Variants in PGBD5 observed in about 807,000 individuals in gnomAD.
PGBD5 encodes the protein piggyBac transposable element-derived protein 5.
In PGBD5, 14 loss-of-function variants were observed where a neutral mutation model predicts 47.9. That is an observed-to-expected ratio of 0.29 (90% CI 0.19 to 0.46). PGBD5 has a LOEUF of 0.46. Ranked by LOEUF, PGBD5 falls within the 20% of genes least tolerant of loss-of-function variation. PGBD5 has a pLI of 1.00. For missense variants in PGBD5, 635 were observed against 716.0 expected, an observed-to-expected ratio of 0.89 and a Z score of 1.29; for synonymous variants, 316 against 306.3, an observed-to-expected ratio of 1.03 and a Z score of -0.33.
chr1:230,418,559 G>A (rs968237590), intron 1 of PGBD5, among the ~76,000 whole-genome samples: 12 of 152,138 alleles, frequency 7.9e-5, no homozygotes, highest in African/African-American at 2.7e-4. Context: ...ACAGTCTGGA[G>A]TGCAGTGGTA....
rs1284194032 is a variant in PGBD5, at chr1:230,316,573, A to C, written c.*6852T>G. 1.3e-5 allele frequency: 2 copies of C among 152,176 alleles called. No individual in the cohort carries two copies. The highest frequency in any genetic ancestry group is 4.8e-5 in the African/African-American group (2 of 41,444). The allele number at this position is 152,176 out of a possible 1,614,324, so 9.4% of individuals were successfully genotyped here. A position where few individuals can be genotyped will look rare whatever the true frequency, so the allele number is the denominator to read the frequency against. On this transcript the variant is annotated 3_prime_UTR_variant, in exon 7 of 7. Coordinates refer to ENST00000391860, the MANE Select transcript of PGBD5 (RefSeq NM_001258311.2). ...AAAGTCTAGAGAAAGAACTAGTCAA[A>C]AAGTGAAAAATCCTCATCTGCCCAA...
rs191281497 is a variant in PGBD5, at chr1:230,323,694, C to T, written c.1380-74G>A. 2 of 1,306,872 alleles carry T rather than the reference C, an allele frequency of 1.5e-6. No homozygotes were observed. Among genetic ancestry groups the T allele is most frequent in the African/African-American group, 1.5e-5 (1 of 68,924 alleles). The allele number at this position is 1,306,872 out of a possible 1,614,324, so 81.0% of individuals were successfully genotyped here. On this transcript the variant is annotated intron_variant, in intron 6 of 6. Coordinates refer to ENST00000391860, the MANE Select transcript of PGBD5 (RefSeq NM_001258311.2). This position sits in a 1 kb window ranked among gnomAD's most constrained non-coding sequence, Gnocchi z 4.1. ...CGGAGATGCATCCCAAAGGCCCCCC[C>T]TCACCACAGCCCGTGAGACGCTGCA...
Position 230,337,169 on chromosome 1 carries a change from G to A in PGBD5, c.1014C>T (p.Tyr338=), listed in dbSNP as rs936445644. Residue 338 remains tyrosine, a synonymous_variant, in exon 4 of 7, where the codon TAC becomes TAT. Transcript: ENST00000391860. ...TGATGCTGGGCCCCGTGAAAATGAT[G>A]TAGTTCTTGCCTGCCGCGTTCCGGC... ...SLCRNAAGKN[Y]IIFTGPSITS... 5.6e-6 allele frequency: 9 copies of A among 1,614,222 alleles called. No individual in the cohort carries two copies. Among genetic ancestry groups the A allele is most frequent in the Admixed American group, 3.3e-5 (2 of 60,024 alleles).
intron 1 of PGBD5, among the ~76,000 whole-genome samples, chr1:230,358,875 A>G (rs1667699791): frequency 6.6e-6 from 1 of 152,208 alleles, no homozygotes; most frequent in Non-Finnish European, 1.5e-5. Context: ...CTGCACAACA[A>G]AATTACCTAA....
At position 230,323,744 on chromosome 1, in the gene PGBD5, G is replaced by A. The variant is rs1213963338; in HGVS notation, c.1380-124C>T. The A allele has an allele frequency of 2.3e-6, 2 of 867,138 alleles. No homozygotes were observed. Among genetic ancestry groups the A allele is most frequent in the African/African-American group, 1.7e-5 (1 of 59,226 alleles). The allele number at this position is 867,138 out of a possible 1,614,324, so 53.7% of individuals were successfully genotyped here. ...AGGTTCGCCCCCGACAGAAGCAGGAGGGCTATGGGGGCAGGAGTCAGGCTT... is the reference window on the plus strand; with the variant it reads ...AGGTTCGCCCCCGACAGAAGCAGGAAGGCTATGGGGGCAGGAGTCAGGCTT... On this transcript the variant is annotated intron_variant, in intron 6 of 6. Coordinates refer to ENST00000391860, the MANE Select transcript of PGBD5 (RefSeq NM_001258311.2). This position sits in a 1 kb window ranked among gnomAD's most constrained non-coding sequence, Gnocchi z 4.1.
chr1:230,351,943 A>G (rs1239935801), intron 2 of PGBD5, among the ~76,000 whole-genome samples: 1 of 152,184 alleles, frequency 6.6e-6, no homozygotes, highest in Non-Finnish European at 1.5e-5. Flanking sequence ...TTCAAGGTAA[A>G]GCTCTTTCGG....
At chr1:230,359,136 A>G (rs1667704661) in intron 1 of PGBD5, among the ~76,000 whole-genome samples, 1 of 151,860 alleles carries the variant, frequency 6.6e-6, no homozygotes, top group Non-Finnish European at 1.5e-5. Context: ...ATCTCAGCTC[A>G]CTGAAACCTC....
rs973350056 is a variant in PGBD5, at chr1:230,321,411, G to C, written c.*2014C>G. On this transcript the variant is annotated 3_prime_UTR_variant, in exon 7 of 7. Coordinates refer to ENST00000391860, the MANE Select transcript of PGBD5 (RefSeq NM_001258311.2). Reference sequence around the variant, plus strand: ...CAGGCTGGAGTGCAGTGGCTCAAGAGATCCTCCCACCTCAGCCTCCCAAGT... The same window carrying C: ...CAGGCTGGAGTGCAGTGGCTCAAGACATCCTCCCACCTCAGCCTCCCAAGT... The C allele has an allele frequency of 1.3e-5, 2 of 152,130 alleles. No homozygotes were observed. Among genetic ancestry groups the C allele is most frequent in the African/African-American group, 4.8e-5 (2 of 41,438 alleles). The allele number at this position is 152,130 out of a possible 1,614,324, so 9.4% of individuals were successfully genotyped here.
At chr1:230,326,876 C>T (rs571802918) in intron 5 of PGBD5, among the ~76,000 whole-genome samples, 5 of 152,314 alleles carry the variant, frequency 3.3e-5, no homozygotes, top group South Asian at 4.2e-4. Flanking sequence ...GGGGGCCCTA[C>T]ACCCTCAAAC....
chr1:230,425,600 C>T lies in PGBD5; in HGVS notation c.329G>A (p.Gly110Asp). The T allele has an allele frequency of 8.2e-7, 1 of 1,220,038 alleles. No homozygotes were observed. Among genetic ancestry groups the T allele is most frequent in the Non-Finnish European group, 1.0e-6 (1 of 980,420 alleles). The allele number at this position is 1,220,038 out of a possible 1,614,324, so 75.6% of individuals were successfully genotyped here. A position where few individuals can be genotyped will look rare whatever the true frequency, so the allele number is the denominator to read the frequency against. ...TCCACCCGCGGGCAGCCCCTTACCG[C>T]CGGTATCCTCGAAGCGCGGGGGCGG... Reference protein sequence around the residue: ...DRPPPRFEDTGGPTRKMPPSA... With the variant: ...DRPPPRFEDTDGPTRKMPPSA... Residue 110 changes from glycine (G) to aspartate (D), a missense_variant and splice_region_variant, in exon 1 of 7, where the codon GGC becomes GAC. Gly to Asp is a moderately conservative substitution (Grantham distance 94, BLOSUM62 -1). Transcript: ENST00000391860. The surrounding 1 kb of genome is among the most constrained non-coding windows in gnomAD (Gnocchi z 4.7).
chr1:230,419,997 G>A (rs11122511), intron 1 of PGBD5, among the ~76,000 whole-genome samples: 13,204 of 152,092 alleles, frequency 0.087, 1,169 homozygotes, highest in East Asian at 0.28. Context: ...GTGGTGGTGC[G>A]TGCCTGTAAT....
intron 1 of PGBD5, among the ~76,000 whole-genome samples, chr1:230,420,676 C>T (rs1160448380): frequency 1.3e-5 from 2 of 152,210 alleles, no homozygotes; most frequent in African/African-American, 4.8e-5. Flanking sequence ...TCCTTCTTGC[C>T]TTCCACCATG....
chr1:230,424,961 C>A (rs1657739369), intron 1 of PGBD5, among the ~76,000 whole-genome samples: 1 of 152,234 alleles, frequency 6.6e-6, no homozygotes, highest in Non-Finnish European at 1.5e-5. Flanking sequence ...AAAGTACCTT[C>A]TGGCGGAAAA....
chr1:230,334,450 A>G (rs1424008854), intron 4 of PGBD5, among the ~76,000 whole-genome samples: 1 of 152,250 alleles, frequency 6.6e-6, no homozygotes, highest in Non-Finnish European at 1.5e-5. Flanking sequence ...GCAGCACTCA[A>G]GTTTCCATGA....
At chr1:230,410,271 G>T (rs1657384651) in intron 1 of PGBD5, among the ~76,000 whole-genome samples, 1 of 152,006 alleles carries the variant, frequency 6.6e-6, no homozygotes, top group Admixed American at 6.6e-5. Flanking sequence ...TAAAATTCAA[G>T]AACATGACAA....
intron 3 of PGBD5, among the ~76,000 whole-genome samples, chr1:230,343,071 C>T (rs182743649): frequency 2.0e-5 from 3 of 152,192 alleles, no homozygotes; most frequent in South Asian, 2.1e-4. Context: ...TAAGCCATCA[C>T]CATACTGATG....
Position 230,369,391 on chromosome 1 carries a change from G to A in PGBD5, c.332-12070C>T, listed in dbSNP as rs142166689. On this transcript the variant is annotated intron_variant, in intron 1 of 6. Transcript: ENST00000391860. ...CTCTGCTCACCCCTCCATGACCAGG[G>A]GCATGGGCCAGGTCACAGGCACCCC... Among the ~76,000 whole-genome samples the A allele has an allele frequency of 3.5e-4, 53 of 152,322 alleles. No homozygotes were observed. In the East Asian group the frequency reaches 5.4e-3, roughly 16 times the overall value.
intron 1 of PGBD5, among the ~76,000 whole-genome samples, chr1:230,370,068 C>T (rs760724952): frequency 3.9e-5 from 6 of 152,182 alleles, no homozygotes; most frequent in South Asian, 4.1e-4. Context: ...ATGACAGAGA[C>T]GGGAGCCTCT....
At chr1:230,368,311 C>T (rs563489257) in intron 1 of PGBD5, among the ~76,000 whole-genome samples, 3 of 152,324 alleles carry the variant, frequency 2.0e-5, no homozygotes, top group East Asian at 3.8e-4. Context: ...AAAAAGCAAC[C>T]GGGAAGAGTG....
Sources: allele counts gnomAD v4.1 joint callset (sites outside exome capture counted in the v4.1 genomes callset), GRCh38; gene constraint gnomAD v4.1.1; non-coding constraint Gnocchi (gnomAD v3.1); transcripts MANE v1.5; gene names NCBI Gene and HGNC (gene_info 2026-07-23, HGNC 2026-07-21).